The following SAMD4A variants were observed in gnomAD, a reference collection of about 807,000 sequenced individuals.
SAMD4A encodes protein Smaug homolog 1.
In SAMD4A, 33 loss-of-function variants were observed where a neutral mutation model predicts 81.3. The observed-to-expected ratio is 0.41, with a 90% CI of 0.31 to 0.54. SAMD4A has a LOEUF of 0.54. Ranked by LOEUF, SAMD4A falls within the 20% of genes least tolerant of loss-of-function variation. SAMD4A has a pLI of 0.37. For missense variants in SAMD4A, 854 were observed against 951.1 expected (o/e 0.90, Z 1.34); for synonymous variants, 389 against 382.1 (o/e 1.02, Z -0.21).
intron 2 of SAMD4A, among the ~76,000 whole-genome samples, chr14:54,631,872 AC>A (rs1382723459): frequency 2.0e-5 from 3 of 152,210 alleles, no homozygotes; most frequent in Non-Finnish European, 2.9e-5. Context: ...TAAAGTATTA[AC>A]AATTTTTGTG....
rs140512480 is a variant in SAMD4A at position 54,624,822 on chromosome 14, T to C, written c.196+56710T>C. ...AGGTAAGTGGCCATAAATAACTAAA[T>C]CAGAAAGGATACAGCACGGATATAC... is the stretch of plus-strand genomic sequence containing the variant. On this transcript the variant is annotated intron_variant, in intron 2 of 12. Transcript: ENST00000554335. Among the ~76,000 whole-genome samples, 528 of 152,204 alleles carry C rather than the reference T, an allele frequency of 3.5e-3. 5 individuals are homozygous for C. Among genetic ancestry groups the C allele is most frequent in the Middle Eastern group, 0.014 (4 of 294 alleles).
intron 3 of SAMD4A, among the ~76,000 whole-genome samples, chr14:54,704,157 A>G (rs1273881388): frequency 2.0e-5 from 3 of 152,206 alleles, no homozygotes; most frequent in Non-Finnish European, 4.4e-5. Context: ...ATCTTAATTT[A>G]TTATATAAGA....
intron 3 of SAMD4A, among the ~76,000 whole-genome samples, chr14:54,714,315 TCTCA>T (rs1195046729): frequency 3.3e-5 from 5 of 152,234 alleles, no homozygotes; most frequent in South Asian, 2.1e-4. Context: ...CTTATAGTTT[TCTCA>T]CTCACACTGA....
intron 11 of SAMD4A, among the ~76,000 whole-genome samples, chr14:54,782,558 C>T (rs1427263452): frequency 6.6e-6 from 1 of 152,146 alleles, no homozygotes. Flanking sequence ...TCTGTGGCAC[C>T]CCACTTCCCT....
chr14:54,671,598 A>G (rs1017193436), intron 2 of SAMD4A, among the ~76,000 whole-genome samples: 2 of 152,210 alleles, frequency 1.3e-5, no homozygotes, highest in South Asian at 4.1e-4. Context: ...TGAGAGGTGC[A>G]GAGGGCAGCT....
chr14:54,678,406 A>G lies in SAMD4A; in HGVS notation c.197-23656A>G, dbSNP rs192932375. ...AATTCTGCTGTTTTCTCTAATACCAATGTGTCGTATTTTGGGCAGTCACCA... is the reference window on the plus strand; with the variant it reads ...AATTCTGCTGTTTTCTCTAATACCAGTGTGTCGTATTTTGGGCAGTCACCA... On this transcript the variant is annotated intron_variant, in intron 2 of 12. Coordinates refer to ENST00000554335, the MANE Select transcript of SAMD4A (RefSeq NM_015589.6). 5.1e-5 allele frequency among the ~76,000 whole-genome samples: 7 copies of G among 136,448 alleles called. No homozygotes were observed. The East Asian group carries it at 1.6e-3, about 31-fold the overall frequency. 89.5% of individuals were successfully genotyped at this position (136,448 alleles called of 152,430 possible). A position where few individuals can be genotyped will look rare whatever the true frequency, so the allele number is the denominator to read the frequency against.
At chr14:54,776,577 G>C in intron 11 of SAMD4A, 37 bp downstream of exon 11, 1 of 1,492,352 alleles carries the variant, frequency 6.7e-7, no homozygotes, top group Non-Finnish European at 8.9e-7. Flanking sequence ...TGACACAGAG[G>C]GGAGGCCAAA....
intron 2 of SAMD4A, among the ~76,000 whole-genome samples, chr14:54,636,433 A>G (rs956465619): frequency 6.6e-6 from 1 of 152,142 alleles, no homozygotes; most frequent in Non-Finnish European, 1.5e-5. Flanking sequence ...CTCAGAATGA[A>G]TTTTGGAGAC....
At chr14:54,756,096 T>G (rs548443962) in intron 6 of SAMD4A, among the ~76,000 whole-genome samples, 25 of 152,318 alleles carry the variant, frequency 1.6e-4, no homozygotes, top group African/African-American at 5.8e-4. Flanking sequence ...AAACCGCAGA[T>G]AAACTTAATA....
intron 2 of SAMD4A, among the ~76,000 whole-genome samples, chr14:54,626,628 A>G (rs1450117811): frequency 2.0e-5 from 3 of 151,974 alleles, no homozygotes; most frequent in Non-Finnish European, 2.9e-5. Flanking sequence ...CCCCTCCTAT[A>G]TGCATATTTA....
chr14:54,660,934 A>G (rs993015860), intron 2 of SAMD4A, among the ~76,000 whole-genome samples: 4 of 152,220 alleles, frequency 2.6e-5, no homozygotes, highest in African/African-American at 9.6e-5. Flanking sequence ...AAGCCAGTTA[A>G]TCATACACTA....
chr14:54,685,989 C>T (rs1055487911), intron 2 of SAMD4A: 1 of 413,496 alleles, frequency 2.4e-6, no homozygotes, highest in African/African-American at 2.0e-5. Flanking sequence ...TCCTGTGAAG[C>T]TCATACAAAG....
chr14:54,685,479 C>T (rs917980335), intron 2 of SAMD4A, among the ~76,000 whole-genome samples: 3 of 152,174 alleles, frequency 2.0e-5, no homozygotes, highest in Non-Finnish European at 2.9e-5. Context: ...ATGTATATTC[C>T]GCATGTTGTT....
intron 9 of SAMD4A, among the ~76,000 whole-genome samples, chr14:54,771,944 T>A (rs1368803875): frequency 6.6e-6 from 1 of 152,232 alleles, no homozygotes; most frequent in Admixed American, 6.5e-5. Context: ...TGGATTGGGC[T>A]AACCCAAGGT....
chr14:54,764,125 A>G (rs1258033287), intron 7 of SAMD4A, among the ~76,000 whole-genome samples: 1 of 152,222 alleles, frequency 6.6e-6, no homozygotes, highest in African/African-American at 2.4e-5. Context: ...GAAGCCCCTC[A>G]CACAGAGCCA....
chr14:54,584,555 C>A (rs1395382340), intron 2 of SAMD4A, among the ~76,000 whole-genome samples: 1 of 152,088 alleles, frequency 6.6e-6, no homozygotes, highest in Non-Finnish European at 1.5e-5. Flanking sequence ...ACACAGTAGG[C>A]ACACAAAATA....
chr14:54,784,705 G>A, intron 12 of SAMD4A, 85 bp downstream of exon 12: 1 of 1,213,498 alleles, frequency 8.2e-7, no homozygotes, highest in African/African-American at 1.5e-5. Context: ...TACCGTGGCA[G>A]GAGCTCAGGA....
intron 2 of SAMD4A, among the ~76,000 whole-genome samples, chr14:54,680,974 G>C (rs1257968544): frequency 6.6e-6 from 1 of 152,188 alleles, no homozygotes; most frequent in African/African-American, 2.4e-5. Flanking sequence ...GCTGGGATTT[G>C]TTCTTAAACT....
chr14:54,620,386 C>T (rs377230605), intron 2 of SAMD4A, among the ~76,000 whole-genome samples: 1 of 151,796 alleles, frequency 6.6e-6, no homozygotes. Context: ...TCATCATTAT[C>T]AAAACTAGGT....
Sources: gnomAD v4.1 joint callset for allele counts (sites outside exome capture counted in the v4.1 genomes callset) on GRCh38, gnomAD v4.1.1 for gene constraint, MANE v1.5 for transcripts, NCBI Gene and HGNC (gene_info 2026-07-23, HGNC 2026-07-21) for gene names.